The following LRP1B variants were observed in gnomAD, a reference collection of about 807,000 sequenced individuals.
The protein encoded by LRP1B is low-density lipoprotein receptor-related protein 1B.
In LRP1B, 217 loss-of-function variants were observed where a neutral mutation model predicts 556.6. The ratio of observed to expected loss-of-function variants is 0.39; its 90% CI spans 0.35 to 0.44. The LOEUF is 0.44. Among genes scored for constraint, LRP1B ranks in the 20% least tolerant of loss-of-function variants. The probability of loss-of-function intolerance (pLI) is 1.00; values close to 1 mark genes in which losing one functional copy is unlikely to be tolerated. For missense variants in LRP1B, 5,053 were observed against 5,620.8 expected, an observed-to-expected ratio of 0.90 and a Z score of 3.23; for synonymous variants, 2,047 against 1,865.8, an observed-to-expected ratio of 1.10 and a Z score of -2.50.
chr2:141,842,142 G>T (rs1697498068), intron 1 of LRP1B, among the ~76,000 whole-genome samples: 1 of 152,088 alleles, frequency 6.6e-6, no homozygotes, highest in Admixed American at 6.6e-5. Context: ...TGCCAAATGA[G>T]ATCATACTTT....
chr2:141,148,746 T>C (rs1444333211), intron 7 of LRP1B, among the ~76,000 whole-genome samples: 10 of 152,128 alleles, frequency 6.6e-5, no homozygotes, highest in Non-Finnish European at 1.3e-4. Flanking sequence ...TGACTATACA[T>C]AAGTTCCAAA....
intron 1 of LRP1B, among the ~76,000 whole-genome samples, chr2:141,864,598 T>G (rs1422028905): frequency 6.7e-6 from 1 of 149,414 alleles, no homozygotes; most frequent in African/African-American, 2.5e-5. Flanking sequence ...ACTGGAGGAA[T>G]GCGCCAGGCG....
chr2:140,403,332 A>G (rs1381454935), intron 66 of LRP1B, among the ~76,000 whole-genome samples: 1 of 152,182 alleles, frequency 6.6e-6, no homozygotes, highest in African/African-American at 2.4e-5. Flanking sequence ...TTATTAAGCT[A>G]CCCAAGGAAA....
At chr2:141,649,444 T>C (rs377712075) in intron 2 of LRP1B, among the ~76,000 whole-genome samples, 3 of 152,220 alleles carry the variant, frequency 2.0e-5, no homozygotes, top group Non-Finnish European at 4.4e-5. Flanking sequence ...TATCCCTTTC[T>C]TAGATGCTTA....
rs1681046331 is a variant in LRP1B at position 140,335,616 on chromosome 2, C to T, written c.12115G>A (p.Gly4039Arg). The change falls in exon 78 of 91, where the codon GGG (glycine) becomes AGG (arginine). Residue 4039 changes from glycine to arginine, a missense_variant and splice_region_variant. By Grantham distance (125) the Gly-to-Arg change is moderately radical. Coordinates refer to ENST00000389484, the MANE Select transcript of LRP1B (RefSeq NM_018557.3). ...AGAAATACTAAGCCATTAACCTACC[C>T]TCTTTTAGGATTTACTGCAATAGCA... ...PYAIAVNPKR[G>R]MMYWTVVGDH... The T allele has an allele frequency of 6.3e-7, 1 of 1,575,154 alleles. No homozygotes were observed. Among genetic ancestry groups the T allele is most frequent in the Middle Eastern group, 1.7e-4 (1 of 5,966 alleles).
At chr2:140,701,655 G>A in intron 40 of LRP1B, 66 bp downstream of exon 40, 2 of 1,480,892 alleles carry the variant, frequency 1.4e-6, no homozygotes, top group Non-Finnish European at 1.8e-6. Context: ...GTTTGACAAT[G>A]TTTTTAAAAA....
At position 140,485,473 on chromosome 2, in the gene LRP1B, T is replaced by C. The variant is rs768500450; in HGVS notation, c.9295A>G (p.Lys3099Glu). Residue 3099 changes from lysine (K) to glutamate (E), a missense_variant, in exon 59 of 91, where the codon AAA (lysine) becomes GAA (glutamate). By Grantham distance (56) the Lys-to-Glu change is moderately conservative. Coordinates refer to ENST00000389484, the MANE Select transcript of LRP1B (RefSeq NM_018557.3). ...TCTGTGTCAGACCAATAGAGGTTTT[T>C]TCCAATCCAATCGACAGCAAGTGCA... ...PNALAVDWIG[K>E]NLYWSDTEKR... 1 of 1,613,904 alleles carries C rather than the reference T, an allele frequency of 6.2e-7. No homozygotes were observed. The highest frequency in any genetic ancestry group is 1.1e-5 in the South Asian group (1 of 91,080).
chr2:140,755,335 C>T (rs1033662905), intron 35 of LRP1B, among the ~76,000 whole-genome samples: 2 of 151,878 alleles, frequency 1.3e-5, no homozygotes, highest in Admixed American at 1.3e-4. Flanking sequence ...ATGTGTTACC[C>T]TGATAGCAAA....
chr2:142,115,556 A>AATATATATAT (rs1707182962), intron 1 of LRP1B, among the ~76,000 whole-genome samples: 1 of 56,366 alleles, frequency 1.8e-5, no homozygotes, highest in Non-Finnish European at 3.3e-5. Context: ...TATATATATT[A>AATATATATAT]TATATGTAAT....
intron 41 of LRP1B, among the ~76,000 whole-genome samples, chr2:140,631,202 A>T (rs1186842959): frequency 1.3e-5 from 2 of 152,172 alleles, no homozygotes; most frequent in Admixed American, 1.3e-4. Flanking sequence ...CCACACACAC[A>T]CTAAAGGTCA....
chr2:141,077,825 T>A (rs1047385282), intron 7 of LRP1B, among the ~76,000 whole-genome samples: 4 of 152,178 alleles, frequency 2.6e-5, no homozygotes, highest in Admixed American at 6.5e-5. Flanking sequence ...TATATCTTAC[T>A]GGCTCTGTTT....
At chr2:140,981,169 C>T (rs964748803) in intron 18 of LRP1B, among the ~76,000 whole-genome samples, 5 of 151,740 alleles carry the variant, frequency 3.3e-5, no homozygotes, top group Non-Finnish European at 5.9e-5. Flanking sequence ...GTGATGAGTG[C>T]GCTAAAATCT....
chr2:140,784,512 A>G (rs11893770), intron 32 of LRP1B, among the ~76,000 whole-genome samples: 64,091 of 150,812 alleles, frequency 0.42, 13,812 homozygotes, highest in African/African-American at 0.48. Flanking sequence ...TCTTTAGGAA[A>G]ATGAAGACAC....
At chr2:141,182,242 T>A (rs1366044885) in intron 7 of LRP1B, among the ~76,000 whole-genome samples, 2 of 152,012 alleles carry the variant, frequency 1.3e-5, no homozygotes, top group African/African-American at 4.8e-5. Context: ...TCTAGACAGA[T>A]GAAAGAAACA....
intron 1 of LRP1B, among the ~76,000 whole-genome samples, chr2:141,812,964 C>T (rs72987333): frequency 0.033 from 4,984 of 151,908 alleles, 290 homozygotes; most frequent in African/African-American, 0.11. Context: ...TTCATGTGTA[C>T]ATGTGTCTGT....
At chr2:141,158,131 T>C (rs1702115327) in intron 7 of LRP1B, among the ~76,000 whole-genome samples, 1 of 152,174 alleles carries the variant, frequency 6.6e-6, no homozygotes, top group African/African-American at 2.4e-5. Context: ...AATCATTAAA[T>C]GACTGAAATC....
At chr2:141,264,255 GTTTA>G (rs886407951) in intron 3 of LRP1B, among the ~76,000 whole-genome samples, 8 of 152,124 alleles carry the variant, frequency 5.3e-5, no homozygotes, top group African/African-American at 1.9e-4. Flanking sequence ...TATATTGAAA[GTTTA>G]TTTAATAAAC....
intron 3 of LRP1B, among the ~76,000 whole-genome samples, chr2:141,465,349 G>GA (rs529198640): frequency 4.0e-5 from 6 of 150,112 alleles, no homozygotes; most frequent in African/African-American, 9.8e-5. Flanking sequence ...GGAAAAAATG[G>GA]AAAAAAAAAT....
At chr2:141,828,685 G>T (rs535983538) in intron 1 of LRP1B, among the ~76,000 whole-genome samples, 9 of 152,076 alleles carry the variant, frequency 5.9e-5, no homozygotes, top group Non-Finnish European at 1.3e-4. Flanking sequence ...TTGGATCAGG[G>T]ATAGGCACAT....
Sources: allele counts gnomAD v4.1 joint callset (sites outside exome capture counted in the v4.1 genomes callset), GRCh38; gene constraint gnomAD v4.1.1; transcripts MANE v1.5; gene names NCBI Gene and HGNC (gene_info 2026-07-23, HGNC 2026-07-21).